Variants in EVC2 observed in about 807,000 individuals in gnomAD.
EVC2 encodes the protein limbin.
EVC2 carries 148 observed loss-of-function variants against 149.3 expected under a neutral mutation model. That is an observed-to-expected ratio of 0.99 (90% CI 0.87 to 1.14). The LOEUF (loss-of-function observed/expected upper bound fraction) is 1.14. EVC2 is among the 50% of genes most tolerant of loss of function. The pLI, the probability that EVC2 is intolerant of heterozygous loss-of-function variation, is 0.00. For missense variants in EVC2, 1,854 were observed against 1,627.3 expected (o/e 1.14, Z -2.40); for synonymous variants, 776 against 649.9 (o/e 1.19, Z -2.95).
At chr4:5,667,401 A>C (rs1719352150) in intron 7 of EVC2, among the ~76,000 whole-genome samples, 1 of 152,094 alleles carries the variant, frequency 6.6e-6, no homozygotes, top group Non-Finnish European at 1.5e-5. Context: ...TAAAAAAAGT[A>C]AGGCAAATTT....
Position 5,633,473 on chromosome 4 carries a change from A to T in EVC2, c.1471-1441T>A, listed in dbSNP as rs925843387. Among the ~76,000 whole-genome samples, 6 of 152,260 alleles carry T rather than the reference A, an allele frequency of 3.9e-5. No homozygotes were observed. Among genetic ancestry groups the T allele is most frequent in the African/African-American group, 1.2e-4 (5 of 41,472 alleles). On this transcript the variant is annotated intron_variant, in intron 10 of 21. Coordinates refer to ENST00000344408, the MANE Select transcript of EVC2 (RefSeq NM_147127.5). The surrounding 1 kb of genome is among the most constrained non-coding windows in gnomAD (Gnocchi z 4.4). ...GCTTAGAGAAGGTAAGAGCTTTCCC[A>T]AATTCTCACCCATGCTCAGCTAGGG...
At position 5,636,826 on chromosome 4, in the gene EVC2, A is replaced by G. The variant is rs1716916602; in HGVS notation, c.1470+3688T>C. 6.6e-6 allele frequency among the ~76,000 whole-genome samples: 1 copy of G among 152,220 alleles called. No homozygotes were observed. The highest frequency in any genetic ancestry group is 2.4e-5 in the African/African-American group (1 of 41,456). On this transcript the variant is annotated intron_variant, in intron 10 of 21. Coordinates refer to ENST00000344408, the MANE Select transcript of EVC2 (RefSeq NM_147127.5). The surrounding 1 kb of genome is among the most constrained non-coding windows in gnomAD (Gnocchi z 4.6). Reference sequence around the variant, plus strand: ...AAAATATTTTTATGTATTTTATTTAAAGATGACTATAACACATGATGGATA... The same window carrying G: ...AAAATATTTTTATGTATTTTATTTAGAGATGACTATAACACATGATGGATA...
intron 7 of EVC2, among the ~76,000 whole-genome samples, chr4:5,667,575 G>C (rs1332193861): frequency 6.6e-6 from 1 of 152,102 alleles, no homozygotes; most frequent in Non-Finnish European, 1.5e-5. Context: ...TCACAGGTAT[G>C]GTTTATTACA....
chr4:5,611,954 C>T (rs28688208), intron 16 of EVC2, among the ~76,000 whole-genome samples: 16,424 of 152,160 alleles, frequency 0.11, 1,694 homozygotes, highest in African/African-American at 0.27. Context: ...GACTAGAGGG[C>T]GCCAGAAAAG....
At chr4:5,609,078 G>C (rs903785331) in intron 16 of EVC2, among the ~76,000 whole-genome samples, 4 of 152,080 alleles carry the variant, frequency 2.6e-5, no homozygotes, top group African/African-American at 9.7e-5. Context: ...CCTTGAGACT[G>C]AATTATACCA....
At chr4:5,571,960 G>A (rs912617733) in intron 19 of EVC2, among the ~76,000 whole-genome samples, 2 of 152,134 alleles carry the variant, frequency 1.3e-5, no homozygotes, top group African/African-American at 2.4e-5. Context: ...CTTGGGATTC[G>A]AACTGCAACT....
intron 1 of EVC2, among the ~76,000 whole-genome samples, chr4:5,703,194 A>C (rs935129807): frequency 6.6e-6 from 1 of 152,230 alleles, no homozygotes; most frequent in African/African-American, 2.4e-5. Flanking sequence ...GCTTAAAGTC[A>C]AAGTATCCAA....
At chr4:5,615,690 A>T (rs964797169) in intron 15 of EVC2, 146 bp from the exon 16 acceptor site, 45 of 1,185,268 alleles carry the variant, frequency 3.8e-5, no homozygotes, top group Non-Finnish European at 4.8e-5. Flanking sequence ...GGGAGGAGAG[A>T]GGTATGTTCT....
Position 5,646,131 on chromosome 4 carries a change from A to G in EVC2, c.1146-5293T>C, listed in dbSNP as rs139554776. 2.2e-3 allele frequency among the ~76,000 whole-genome samples: 336 copies of G among 152,200 alleles called. 3 individuals carry two copies. The highest frequency in any genetic ancestry group is 7.2e-3 in the African/African-American group (298 of 41,530). ...TTTCTAGTAGAGACTGGGTTTCATC[A>G]TGTTGGTCAGGCTGGTCTCGAACTC... On this transcript the variant is annotated intron_variant, in intron 9 of 21. Transcript: ENST00000344408.
chr4:5,628,122 C>G (rs564470022), intron 12 of EVC2, among the ~76,000 whole-genome samples: 2 of 152,076 alleles, frequency 1.3e-5, no homozygotes, highest in African/African-American at 4.8e-5. Flanking sequence ...TCAGCACATA[C>G]GCTGAATAAA....
chr4:5,540,381 G>A (rs145061759), downstream of EVC2, among the ~76,000 whole-genome samples: 106 of 152,276 alleles, frequency 7.0e-4, 1 homozygote, highest in African/African-American at 2.4e-3. Context: ...ATACACAAAC[G>A]TTTGCAGCAG....
rs199709419 is a variant in EVC2 at position 5,633,507 on chromosome 4, G to A, written c.1471-1475C>T. On this transcript the variant is annotated intron_variant, in intron 10 of 21. Coordinates refer to ENST00000344408, the MANE Select transcript of EVC2 (RefSeq NM_147127.5). This position sits in a 1 kb window ranked among gnomAD's most constrained non-coding sequence, Gnocchi z 4.4. ...CCCATGCTCAGCTAGGGGAGGAAGCGTGTTGAAAGCAAGTGTTCAGGCTCC... is the reference window on the plus strand; with the variant it reads ...CCCATGCTCAGCTAGGGGAGGAAGCATGTTGAAAGCAAGTGTTCAGGCTCC... Among the ~76,000 whole-genome samples the A allele has an allele frequency of 6.6e-5, 10 of 152,368 alleles. No homozygotes were observed. The highest frequency in any genetic ancestry group is 6.2e-4 in the South Asian group (3 of 4,830).
At chr4:5,540,233 G>A (rs1721489876), downstream of EVC2, among the ~76,000 whole-genome samples, 2 of 152,174 alleles carry the variant, frequency 1.3e-5, no homozygotes, top group African/African-American at 2.4e-5. Context: ...CATGGCTAGT[G>A]GACTGTAACG....
chr4:5,705,788 T>C (rs575025705), intron 1 of EVC2, among the ~76,000 whole-genome samples: 1 of 152,126 alleles, frequency 6.6e-6, no homozygotes, highest in African/African-American at 2.4e-5. Flanking sequence ...AGTATTACTG[T>C]GAAAATAGCT....
intron 10 of EVC2, among the ~76,000 whole-genome samples, chr4:5,635,564 AG>A (rs1440232229): frequency 1.3e-5 from 2 of 152,238 alleles, no homozygotes; most frequent in Non-Finnish European, 2.9e-5. Context: ...GGCTGGCTGC[AG>A]CAGCTGCTGT....
intron 1 of EVC2, among the ~76,000 whole-genome samples, chr4:5,704,980 G>A (rs569116986): frequency 1.3e-3 from 201 of 152,262 alleles, no homozygotes; most frequent in African/African-American, 4.6e-3. Flanking sequence ...AAAGTGTTGG[G>A]ATTACAGGCG....
At chr4:5,643,272 C>G (rs1458022526) in intron 9 of EVC2, among the ~76,000 whole-genome samples, 1 of 152,196 alleles carries the variant, frequency 6.6e-6, no homozygotes, top group Admixed American at 6.5e-5. Context: ...CATCCCTGTA[C>G]TGGAAGGAAA....
rs572730643 is a variant in EVC2, at chr4:5,679,009, C to T, written c.870+2251G>A. ...ACGTACCACTGCACTCCAGCCTGGG[C>T]GACAAAGCAAGACTCTAAGAAAAAA... On this transcript the variant is annotated intron_variant, in intron 7 of 21. Transcript: ENST00000344408. This position sits in a 1 kb window ranked among gnomAD's most constrained non-coding sequence, Gnocchi z 5.1. Among the ~76,000 whole-genome samples the T allele has an allele frequency of 6.7e-5, 10 of 148,300 alleles. No individual in the cohort carries two copies. In the East Asian group the frequency reaches 7.9e-4, roughly 12 times the overall value.
chr4:5,664,279 T>C (rs1719109418), intron 8 of EVC2, among the ~76,000 whole-genome samples: 1 of 152,178 alleles, frequency 6.6e-6, no homozygotes, highest in African/African-American at 2.4e-5. Context: ...GGCTGCCTTC[T>C]GCTTTAGAGC....
Sources: allele counts gnomAD v4.1 joint callset (sites outside exome capture counted in the v4.1 genomes callset), GRCh38; gene constraint gnomAD v4.1.1; non-coding constraint Gnocchi (gnomAD v3.1); transcripts MANE v1.5; gene names NCBI Gene and HGNC (gene_info 2026-07-23, HGNC 2026-07-21).